Variants in PEX5 observed in about 807,000 individuals in gnomAD.
PEX5 encodes PTS1 receptor.
In PEX5, 52 loss-of-function variants were observed where a neutral mutation model predicts 82.9. That is an observed-to-expected ratio of 0.63 (90% CI 0.50 to 0.79). The LOEUF (loss-of-function observed/expected upper bound fraction) is 0.79, where lower values mean the gene tolerates loss of function less well. Ranked by LOEUF, PEX5 falls within the 30% of genes least tolerant of loss-of-function variation. PEX5 has a pLI of 0.00. For synonymous variants in PEX5, 300 were observed against 318.8 expected (o/e 0.94, Z 0.63); for missense variants, 719 against 815.2 (o/e 0.88, Z 1.44).
intron 5 of PEX5, among the ~76,000 whole-genome samples, chr12:7,195,065 A>C (rs1266171088): frequency 1.3e-5 from 2 of 152,234 alleles, no homozygotes; most frequent in Non-Finnish European, 2.9e-5. Flanking sequence ...AAATGTGGGT[A>C]GACTGACCCT....
chr12:7,208,133 C>A (rs1591793717), intron 12 of PEX5, 53 bp downstream of exon 12: 1 of 1,328,058 alleles, frequency 7.5e-7, no homozygotes. Flanking sequence ...TGCATATAAC[C>A]TTTTGAATGA....
At chr12:7,208,769 G>C (rs777371676) in intron 13 of PEX5, 100 bp downstream of exon 13, 154 of 1,061,998 alleles carry the variant, frequency 1.5e-4, no homozygotes, top group Non-Finnish European at 2.0e-4. Context: ...GAGACTGAAG[G>C]GTCCTGAGAA....
intron 2 of PEX5, 49 bp from the exon 3 acceptor site, chr12:7,190,839 T>A (rs1940947426): frequency 6.3e-7 from 1 of 1,581,644 alleles, no homozygotes; most frequent in Admixed American, 1.7e-5. Flanking sequence ...CATCAACCCC[T>A]GATTTTAGAG....
chr12:7,200,115 C>G (rs764262411), intron 6 of PEX5, among the ~76,000 whole-genome samples: 1 of 147,856 alleles, frequency 6.8e-6, no homozygotes, highest in African/African-American at 2.5e-5. Context: ...CGGGCGGAGA[C>G]GCTCCTCACT....
intron 10 of PEX5, among the ~76,000 whole-genome samples, chr12:7,207,306 T>C (rs903105979): frequency 1.3e-5 from 2 of 152,228 alleles, no homozygotes; most frequent in African/African-American, 2.4e-5. Flanking sequence ...ACACTTTGTC[T>C]CATTACTATA....
At chr12:7,198,758 T>C (rs955830482) in intron 5 of PEX5, among the ~76,000 whole-genome samples, 4 of 152,186 alleles carry the variant, frequency 2.6e-5, no homozygotes, top group Non-Finnish European at 5.9e-5. Context: ...TTTCCTGAGA[T>C]TCCTTATTTG....
At position 7,190,411 on chromosome 12, in the gene PEX5, G is replaced by C; in HGVS notation, c.34G>C (p.Gly12Arg). 1 of 1,614,210 alleles carries C rather than the reference G, an allele frequency of 6.2e-7. No homozygotes were observed. Among genetic ancestry groups the C allele is most frequent in the Non-Finnish European group, 8.5e-7 (1 of 1,180,040 alleles). Residue 12 changes from glycine (G) to arginine (R), a missense_variant, in exon 2 of 16, where the codon GGG (glycine) becomes CGG (arginine). Transcript: ENST00000675855. ...GCGGGAGCTGGTGGAGGCCGAATGC[G>C]GGGGTGCCAACCCGCTCATGAAGCT... Reference protein sequence around the residue: ...AMRELVEAECGGANPLMKLAG... With the variant: ...AMRELVEAECRGANPLMKLAG...
At chr12:7,213,063 A>C (rs377607662), downstream of PEX5, among the ~76,000 whole-genome samples, 84 of 152,260 alleles carry the variant, frequency 5.5e-4, 2 homozygotes, top group South Asian at 0.017. Flanking sequence ...ACCAGTGCTC[A>C]AGGAAATAAA....
intron 4 of PEX5, 70 bp from the exon 5 acceptor site, chr12:7,191,499 C>T: frequency 6.2e-7 from 1 of 1,601,038 alleles, no homozygotes; most frequent in South Asian, 1.1e-5. Context: ...CACGTGGATT[C>T]AGGGTTCTTT....
intron 10 of PEX5, among the ~76,000 whole-genome samples, chr12:7,206,751 A>G (rs764935570): frequency 6.6e-6 from 1 of 152,236 alleles, no homozygotes; most frequent in African/African-American, 2.4e-5. Flanking sequence ...TTTATTTTGT[A>G]CAGTTTTATC....
At chr12:7,208,955 G>A (rs745629399) in intron 13 of PEX5, 50 bp from the exon 14 acceptor site, 1 of 1,499,214 alleles carries the variant, frequency 6.7e-7, no homozygotes, top group East Asian at 2.3e-5. Context: ...GGGGGGATGG[G>A]AATAGAGACA....
In PEX5 at chr12:7,198,933, T is replaced by C. The variant is rs1943217196; in HGVS notation, c.449-78T>C. 4 of 768,118 alleles carry C rather than the reference T, an allele frequency of 5.2e-6. No homozygotes were observed. The East Asian group carries it at 8.4e-5, about 16-fold the overall frequency. The allele number at this position is 768,118 out of a possible 1,614,324, so 47.6% of individuals were successfully genotyped here. On this transcript the variant is annotated intron_variant, in intron 5 of 15. Coordinates refer to ENST00000675855, the MANE Select transcript of PEX5 (RefSeq NM_001351132.2). Reference sequence around the variant, plus strand: ...GGTGTGGCTAAGAGGGTCAGTTGAATATGGGCATCTCTTTCCCTTTCCTTG... The same window carrying C: ...GGTGTGGCTAAGAGGGTCAGTTGAACATGGGCATCTCTTTCCCTTTCCTTG...
At chr12:7,215,972 A>C (rs1228628173), downstream of PEX5, among the ~76,000 whole-genome samples, 2 of 152,150 alleles carry the variant, frequency 1.3e-5, no homozygotes, top group African/African-American at 2.4e-5. Context: ...AAATTAAAAA[A>C]AAATTTTTTT....
intron 17 of PEX5, among the ~76,000 whole-genome samples, chr12:7,217,054 A>C (rs1041671310): frequency 6.6e-6 from 1 of 152,152 alleles, no homozygotes; most frequent in Non-Finnish European, 1.5e-5. Flanking sequence ...CATTTGAAAA[A>C]ACCTTTCCCA....
chr12:7,202,457 C>A, intron 8 of PEX5, 106 bp downstream of exon 8: 2 of 1,469,770 alleles, frequency 1.4e-6, no homozygotes, highest in Non-Finnish European at 1.9e-6. Context: ...ACCAGCTTGT[C>A]TTGATAGCAT....
rs1210582404 is a variant in PEX5 at position 7,189,766 on chromosome 12, C to T, written c.-17+16C>T. The T allele has an allele frequency of 2.1e-6, 1 of 468,662 alleles. No homozygotes were observed. Among genetic ancestry groups the T allele is most frequent in the South Asian group, 9.5e-5 (1 of 10,478 alleles). 29.0% of individuals were successfully genotyped at this position (468,662 alleles called of 1,614,324 possible). A position where few individuals can be genotyped will look rare whatever the true frequency, so the allele number is the denominator to read the frequency against. On this transcript the variant is annotated intron_variant, in intron 1 of 15. Coordinates refer to ENST00000675855, the MANE Select transcript of PEX5 (RefSeq NM_001351132.2). Reference sequence around the variant, plus strand: ...GCGCTCCGCGGTGAGCGCCTGACCCCGAGGGGGCCCGGGGCCGCGTCCCTG... The same window carrying T: ...GCGCTCCGCGGTGAGCGCCTGACCCTGAGGGGGCCCGGGGCCGCGTCCCTG...
chr12:7,201,915 CAGTTT>C (rs1409594263), intron 7 of PEX5, 74 bp downstream of exon 7: 9 of 1,081,298 alleles, frequency 8.3e-6, no homozygotes, highest in South Asian at 2.5e-5. Flanking sequence ...TTTCTTACCC[CAGTTT>C]AGTTTAAAGA....
chr12:7,193,589 C>T (rs780109029), intron 5 of PEX5, among the ~76,000 whole-genome samples: 1 of 152,296 alleles, frequency 6.6e-6, no homozygotes, highest in Admixed American at 6.5e-5. Flanking sequence ...AGCAAAGACC[C>T]TCTCCAAGAC....
At chr12:7,206,674 T>G (rs1944837848) in intron 10 of PEX5, among the ~76,000 whole-genome samples, 1 of 152,016 alleles carries the variant, frequency 6.6e-6, no homozygotes, top group Admixed American at 6.6e-5. Flanking sequence ...AGAATTTTGC[T>G]GGTAAGATTT....
Sources: allele counts gnomAD v4.1 joint callset (sites outside exome capture counted in the v4.1 genomes callset), GRCh38; gene constraint gnomAD v4.1.1; transcripts MANE v1.5; gene names NCBI Gene and HGNC (gene_info 2026-07-23, HGNC 2026-07-21).